The following RNF8 variants were observed in gnomAD, a reference collection of about 807,000 sequenced individuals.
RNF8 encodes E3 ubiquitin-protein ligase RNF8.
RNF8 carries 8 observed loss-of-function variants against 59.3 expected under a neutral mutation model. That is an observed-to-expected ratio of 0.13 (90% CI 0.08 to 0.24). The LOEUF is 0.24. RNF8 is among the 10% of genes least tolerant of loss of function. The probability of loss-of-function intolerance (pLI) is 1.00; values close to 1 mark genes in which losing one functional copy is unlikely to be tolerated. For missense variants in RNF8, 406 were observed against 572.6 expected (o/e 0.71, Z 2.97); for synonymous variants, 162 against 200.0 (o/e 0.81, Z 1.60).
chr6:37,368,462 T>G, intron 2 of RNF8, 22 bp from the exon 3 acceptor site: 1 of 1,614,186 alleles, frequency 6.2e-7, no homozygotes, highest in South Asian at 1.1e-5. Context: ...AGCTTATTTC[T>G]TCTTTCTTTC....
At chr6:37,380,194 G>A (rs1770195368) in intron 6 of RNF8, among the ~76,000 whole-genome samples, 1 of 152,144 alleles carries the variant, frequency 6.6e-6, no homozygotes, top group African/African-American at 2.4e-5. Flanking sequence ...GGGATTACAG[G>A]TGTAAGCATT....
intron 4 of RNF8, among the ~76,000 whole-genome samples, chr6:37,374,237 A>G (rs1769924018): frequency 6.6e-6 from 1 of 152,174 alleles, no homozygotes; most frequent in Non-Finnish European, 1.5e-5. Flanking sequence ...GTTCTTAAAT[A>G]CTGTTCCCAG....
At position 37,380,527 on chromosome 6, in the gene RNF8, C is replaced by T. The variant is rs1012391110; in HGVS notation, c.1237-623C>T. On this transcript the variant is annotated intron_variant, in intron 6 of 7. Transcript: ENST00000373479. The stretch of plus-strand genomic sequence containing the variant: ...CTACTAAAAATACAAAAAAATTAGC[C>T]GGGTGTAGTGGCAGGCGCCTGTAGT... Among the ~76,000 whole-genome samples, 7 of 151,738 alleles carry T rather than the reference C, an allele frequency of 4.6e-5. No individual in the cohort carries two copies. The East Asian group carries it at 9.9e-4, about 22-fold the overall frequency.
At position 37,360,393 on chromosome 6, in the gene RNF8, C is replaced by G. The variant is rs550269313; in HGVS notation, c.112-53C>G. ...GGTTGATGAGATTTGTAAAGGACCT[C>G]CCTTTTCAGCACAATGACTGATGGT... On this transcript the variant is annotated intron_variant, in intron 1 of 7. Transcript: ENST00000373479. The surrounding 1 kb of genome is among the most constrained non-coding windows in gnomAD (Gnocchi z 4.2). 208 of 1,605,618 alleles carry G rather than the reference C, an allele frequency of 1.3e-4. No homozygotes were observed. The highest frequency in any genetic ancestry group is 1.7e-4 in the Non-Finnish European group (200 of 1,173,438).
At chr6:37,382,904 C>T (rs1000571078) in intron 7 of RNF8, among the ~76,000 whole-genome samples, 3 of 150,654 alleles carry the variant, frequency 2.0e-5, no homozygotes, top group Non-Finnish European at 2.9e-5. Context: ...TTTGAACCTG[C>T]AGAGGTTGCA....
intron 1 of RNF8, among the ~76,000 whole-genome samples, chr6:37,355,220 A>G (rs1265493530): frequency 1.3e-5 from 2 of 152,222 alleles, no homozygotes; most frequent in Middle Eastern, 3.2e-3. Context: ...GAACTGGGTC[A>G]GGGACAAGCT....
chr6:37,371,435 C>A, intron 3 of RNF8, 77 bp from the exon 4 acceptor site: 1 of 1,249,482 alleles, frequency 8.0e-7, no homozygotes, highest in Non-Finnish European at 1.2e-6. Context: ...AGCTGGTCTG[C>A]TCTGCTTGTT....
intron 7 of RNF8, among the ~76,000 whole-genome samples, chr6:37,384,400 C>T (rs147600453): frequency 1.3e-5 from 2 of 152,190 alleles, no homozygotes; most frequent in South Asian, 2.1e-4. Flanking sequence ...GCTCCGCCCC[C>T]CAAAGTGCTG....
At position 37,374,641 on chromosome 6, in the gene RNF8, C is replaced by G. The variant is rs1400381502; in HGVS notation, c.1060C>G (p.Leu354Val). 1.9e-6 allele frequency: 3 copies of G among 1,613,984 alleles called. No individual in the cohort carries two copies. Among genetic ancestry groups the G allele is most frequent in the Non-Finnish European group, 8.5e-7 (1 of 1,179,940 alleles). ...GCAGCATTGGGCTCTAATGGAAGAGCTAAATCGCAGCAAGAAGGACTTTGA... is the reference window on the plus strand; with the variant it reads ...GCAGCATTGGGCTCTAATGGAAGAGGTAAATCGCAGCAAGAAGGACTTTGA... ...LQEHWALMEELNRSKKDFEAI... is the reference protein window; with the variant it reads ...LQEHWALMEEVNRSKKDFEAI... The change falls in exon 5 of 8, where the codon CTA (leucine) becomes GTA (valine). Residue 354 changes from leucine to valine, a missense_variant. Physicochemically the swap from Leu to Val is conservative, Grantham distance 32 (BLOSUM62 1). Coordinates refer to ENST00000373479, the MANE Select transcript of RNF8 (RefSeq NM_003958.4).
At chr6:37,370,886 AGTTGG>A (rs1480932882) in intron 3 of RNF8, among the ~76,000 whole-genome samples, 1 of 152,122 alleles carries the variant, frequency 6.6e-6, no homozygotes, top group African/African-American at 2.4e-5. Flanking sequence ...AACAATTTCA[AGTTGG>A]CATATTAAAT....
At chr6:37,367,285 A>G (rs1769596346) in intron 2 of RNF8, among the ~76,000 whole-genome samples, 2 of 152,258 alleles carry the variant, frequency 1.3e-5, no homozygotes, top group Non-Finnish European at 2.9e-5. Context: ...AACCTGGCCA[A>G]CATCACCCAG....
chr6:37,358,276 A>G (rs890991652), intron 1 of RNF8, among the ~76,000 whole-genome samples: 27 of 152,222 alleles, frequency 1.8e-4, no homozygotes, highest in African/African-American at 6.3e-4. Context: ...AGGGCTCAGG[A>G]CATTCAGGGT....
intron 2 of RNF8, among the ~76,000 whole-genome samples, chr6:37,368,060 A>G (rs1006360448): frequency 6.6e-6 from 1 of 152,242 alleles, no homozygotes; most frequent in Non-Finnish European, 1.5e-5. Flanking sequence ...AAGGAACCAC[A>G]TCCAGAGATA....
intron 6 of RNF8, 28 bp downstream of exon 6, chr6:37,377,061 C>CTTTTTT (rs35985063): frequency 5.5e-4 from 143 of 257,948 alleles, no homozygotes; most frequent in Middle Eastern, 1.2e-3. Context: ...CTCACCCCTT[C>CTTTTTT]TTTTTTTTTT....
chr6:37,378,341 C>T (rs1770107867), intron 6 of RNF8, among the ~76,000 whole-genome samples: 1 of 152,068 alleles, frequency 6.6e-6, no homozygotes, highest in African/African-American at 2.4e-5. Flanking sequence ...TGGCTCATGC[C>T]TATAATCCGA....
intron 2 of RNF8, among the ~76,000 whole-genome samples, chr6:37,366,879 C>CG (rs980736442): frequency 1.1e-4 from 17 of 152,214 alleles, no homozygotes; most frequent in African/African-American, 4.1e-4. Flanking sequence ...TGTTTCAAGT[C>CG]TATTTTAGGA....
intron 7 of RNF8, among the ~76,000 whole-genome samples, chr6:37,382,877 C>G (rs903525437): frequency 1.3e-5 from 2 of 151,620 alleles, no homozygotes; most frequent in African/African-American, 4.9e-5. Flanking sequence ...ACTCAGGAGG[C>G]TGAGGCAAGA....
intron 7 of RNF8, among the ~76,000 whole-genome samples, chr6:37,386,183 T>TATTGGCACCC (rs1190056155): frequency 6.8e-6 from 1 of 146,956 alleles, no homozygotes; most frequent in Admixed American, 6.7e-5. Context: ...AATACACAGT[T>TATTGGCACCC]TGAAATGACA....
chr6:37,359,270 C>G (rs538848719), intron 1 of RNF8: 1 of 441,662 alleles, frequency 2.3e-6, no homozygotes, highest in East Asian at 7.0e-5. Flanking sequence ...AGCTCTCAAG[C>G]TGTTCTTGTG....
Sources: gnomAD v4.1 joint callset for allele counts (sites outside exome capture counted in the v4.1 genomes callset) on GRCh38, gnomAD v4.1.1 for gene constraint, Gnocchi (gnomAD v3.1) non-coding constraint, MANE v1.5 for transcripts, NCBI Gene and HGNC (gene_info 2026-07-23, HGNC 2026-07-21) for gene names.